ZHX2: variants seen among roughly 807,000 people sequenced by gnomAD.
The protein encoded by ZHX2 is zinc fingers and homeoboxes 2, also known as zinc fingers and homeoboxes protein 2.
A neutral mutation model predicts 21.9 loss-of-function variants in ZHX2; 6 were observed. That is an observed-to-expected ratio of 0.27 (90% CI 0.15 to 0.54). ZHX2 has a LOEUF of 0.54. Ranked by LOEUF, ZHX2 falls within the 20% of genes least tolerant of loss-of-function variation. ZHX2 has a pLI of 0.95. For missense variants in ZHX2, 908 were observed against 1,090.7 expected (o/e 0.83, Z 2.36); for synonymous variants, 434 against 437.1 (o/e 0.99, Z 0.09).
chr8:122,831,602 T>A (rs1563746112), intron 1 of ZHX2, among the ~76,000 whole-genome samples: 1 of 152,136 alleles, frequency 6.6e-6, no homozygotes, highest in African/African-American at 2.4e-5. Context: ...TTGCACGGGT[T>A]GTAGGGCCAC....
chr8:122,920,568 T>G (rs1820713246), intron 2 of ZHX2, among the ~76,000 whole-genome samples: 1 of 152,214 alleles, frequency 6.6e-6, no homozygotes, highest in African/African-American at 2.4e-5. Flanking sequence ...CTGTATGATT[T>G]GCCTTCTCTG....
intron 2 of ZHX2, among the ~76,000 whole-genome samples, chr8:122,886,950 G>T (rs1297087210): frequency 6.6e-6 from 1 of 152,126 alleles, no homozygotes; most frequent in Non-Finnish European, 1.5e-5. Context: ...GGCTCAGATA[G>T]GTTAAGGCAT....
chr8:122,938,174 C>T (rs1812753864), intron 2 of ZHX2, among the ~76,000 whole-genome samples: 1 of 151,846 alleles, frequency 6.6e-6, no homozygotes, highest in Admixed American at 6.6e-5. Flanking sequence ...ACCTCGTGAT[C>T]CGCCCACCTC....
Position 122,881,366 on chromosome 8 carries a change from G to A in ZHX2, c.-220+17827G>A, listed in dbSNP as rs536071092. On this transcript the variant is annotated intron_variant, in intron 2 of 3. Transcript: ENST00000314393. ...ATCAAAATCTTAGGTTCATATTTGT[G>A]GCCCACCATTTACCATCTGTGAGAC... is the stretch of plus-strand genomic sequence containing the variant. Among the ~76,000 whole-genome samples the A allele has an allele frequency of 2.6e-5, 4 of 152,242 alleles. No individual in the cohort carries two copies. The South Asian group carries it at 8.3e-4, about 32-fold the overall frequency.
intron 2 of ZHX2, among the ~76,000 whole-genome samples, chr8:122,929,991 G>T (rs1368638852): frequency 6.6e-6 from 1 of 152,166 alleles, no homozygotes; most frequent in East Asian, 1.9e-4. Flanking sequence ...TGTACAACAG[G>T]AAGGTAACAG....
intron 1 of ZHX2, among the ~76,000 whole-genome samples, chr8:122,862,552 T>C (rs541758103): frequency 1.3e-5 from 2 of 152,248 alleles, no homozygotes; most frequent in East Asian, 3.9e-4. Context: ...GCCGGTACGA[T>C]TGCACCCTTG....
intron 1 of ZHX2, among the ~76,000 whole-genome samples, chr8:122,806,669 C>T (rs554408566): frequency 1.4e-4 from 22 of 152,262 alleles, no homozygotes; most frequent in Non-Finnish European, 2.2e-4. Context: ...AAGGTCAAGA[C>T]GAAGGGTGGC....
At chr8:122,842,097 C>T (rs775481520) in intron 1 of ZHX2, among the ~76,000 whole-genome samples, 4 of 152,190 alleles carry the variant, frequency 2.6e-5, no homozygotes, top group African/African-American at 4.8e-5. Context: ...GCTTTGGAAG[C>T]GAGACCTATA....
chr8:122,971,156 A>C (rs1563613035), intron 3 of ZHX2, among the ~76,000 whole-genome samples: 1 of 152,070 alleles, frequency 6.6e-6, no homozygotes, highest in African/African-American at 2.4e-5. Flanking sequence ...CCGTATTACC[A>C]CTTAGCATGG....
At chr8:122,941,812 T>A (rs1271085732) in intron 2 of ZHX2, among the ~76,000 whole-genome samples, 1 of 152,238 alleles carries the variant, frequency 6.6e-6, no homozygotes, top group Non-Finnish European at 1.5e-5. Context: ...GCGTGACTTC[T>A]GATTAAAAAT....
intron 1 of ZHX2, among the ~76,000 whole-genome samples, chr8:122,798,995 G>T (rs182654653): frequency 6.6e-6 from 1 of 152,220 alleles, no homozygotes; most frequent in Non-Finnish European, 1.5e-5. Context: ...AGGCAATGGA[G>T]GCCCTCTCTA....
intron 2 of ZHX2, among the ~76,000 whole-genome samples, chr8:122,914,967 G>C (rs1361144429): frequency 6.6e-6 from 1 of 152,188 alleles, no homozygotes; most frequent in East Asian, 1.9e-4. Context: ...GGCTGCATCT[G>C]TTACGTCTAG....
intron 2 of ZHX2, among the ~76,000 whole-genome samples, chr8:122,895,077 A>G (rs1820065708): frequency 1.3e-5 from 2 of 152,126 alleles, no homozygotes; most frequent in African/African-American, 4.8e-5. Context: ...TTGTTTTTCA[A>G]TCACCAGAAT....
At chr8:122,873,052 C>T (rs1819478830) in intron 2 of ZHX2, among the ~76,000 whole-genome samples, 3 of 152,296 alleles carry the variant, frequency 2.0e-5, no homozygotes, top group Middle Eastern at 6.8e-3. Context: ...CTGGCCAGGC[C>T]TGTGTCACGC....
At chr8:122,910,531 A>C (rs1269833795) in intron 2 of ZHX2, among the ~76,000 whole-genome samples, 1 of 152,240 alleles carries the variant, frequency 6.6e-6, no homozygotes, top group African/African-American at 2.4e-5. Flanking sequence ...TGCAAAATGA[A>C]GATGCAGGAC....
At chr8:122,841,284 G>A (rs2066900093) in intron 1 of ZHX2, among the ~76,000 whole-genome samples, 1 of 152,152 alleles carries the variant, frequency 6.6e-6, no homozygotes, top group Non-Finnish European at 1.5e-5. Context: ...GTCAGCCGGT[G>A]ACTTCCGCCT....
chr8:122,904,222 G>A (rs1034150670), intron 2 of ZHX2, among the ~76,000 whole-genome samples: 2 of 152,126 alleles, frequency 1.3e-5, no homozygotes, highest in African/African-American at 4.8e-5. Flanking sequence ...ATCAGGAAAG[G>A]GGCAGCCTGG....
chr8:122,793,669 A>C (rs1208634670), intron 1 of ZHX2, among the ~76,000 whole-genome samples: 1 of 152,222 alleles, frequency 6.6e-6, no homozygotes, highest in Admixed American at 6.5e-5. Flanking sequence ...AGAATTCTAG[A>C]TGAATAACAG....
At chr8:122,830,510 G>A (rs1186991521) in intron 1 of ZHX2, among the ~76,000 whole-genome samples, 1 of 152,220 alleles carries the variant, frequency 6.6e-6, no homozygotes, top group African/African-American at 2.4e-5. Flanking sequence ...GCGGGACATA[G>A]GGGGTGGTGT....
Sources: allele counts gnomAD v4.1 joint callset (sites outside exome capture counted in the v4.1 genomes callset), GRCh38; gene constraint gnomAD v4.1.1; transcripts MANE v1.5; gene names NCBI Gene and HGNC (gene_info 2026-07-23, HGNC 2026-07-21).